The following TAF4B variants were observed in gnomAD, a reference collection of about 807,000 sequenced individuals.
TAF4B encodes the protein transcription initiation factor TFIID subunit 4B.
Under a neutral mutation model 86.4 loss-of-function variants are expected in TAF4B, and 38 were observed. The observed-to-expected ratio is 0.44, with a 90% CI of 0.34 to 0.58. TAF4B has a LOEUF of 0.58. TAF4B is among the 20% of genes least tolerant of loss of function. TAF4B has a pLI of 0.02. For missense variants in TAF4B, 988 were observed against 1,027.6 expected (o/e 0.96, Z 0.53); for synonymous variants, 388 against 391.2 (o/e 0.99, Z 0.10).
chr18:26,240,377 TC>T (rs2055818462), intron 1 of TAF4B, among the ~76,000 whole-genome samples: 2 of 152,342 alleles, frequency 1.3e-5, no homozygotes, highest in South Asian at 4.1e-4. Flanking sequence ...AGGATTTGGC[TC>T]TCTGTTTGTC....
At chr18:26,365,039 C>T (rs1022475586) in intron 14 of TAF4B, among the ~76,000 whole-genome samples, 4 of 135,372 alleles carry the variant, frequency 3.0e-5, no homozygotes, top group South Asian at 4.5e-4. Flanking sequence ...TAGAGTCTCG[C>T]TTTGGCACCC....
chr18:26,341,896 G>GTT (rs142511715), intron 13 of TAF4B, among the ~76,000 whole-genome samples: 5 of 151,348 alleles, frequency 3.3e-5, no homozygotes, highest in Middle Eastern at 3.4e-3. Flanking sequence ...ATGTTTAGTA[G>GTT]TTTTTTTTTC....
intron 13 of TAF4B, among the ~76,000 whole-genome samples, chr18:26,339,654 A>G (rs565204230): frequency 1.1e-3 from 165 of 152,310 alleles, no homozygotes; most frequent in Non-Finnish European, 9.1e-4. Context: ...ATAGGTTACT[A>G]ATTGCTAAAC....
chr18:26,269,908 G>A (rs1025081031), intron 3 of TAF4B, among the ~76,000 whole-genome samples: 1 of 151,884 alleles, frequency 6.6e-6, no homozygotes, highest in African/African-American at 2.4e-5. Context: ...TTTTTCCTTA[G>A]GATAAATTTT....
chr18:26,271,402 G>A (rs1029622479), intron 3 of TAF4B, among the ~76,000 whole-genome samples: 1 of 152,172 alleles, frequency 6.6e-6, no homozygotes, highest in African/African-American at 2.4e-5. Flanking sequence ...GTTTCAGACA[G>A]GTACAGAAAA....
At chr18:26,243,346 A>G (rs1035108064) in intron 1 of TAF4B, among the ~76,000 whole-genome samples, 1 of 152,054 alleles carries the variant, frequency 6.6e-6, no homozygotes, top group African/African-American at 2.4e-5. Context: ...ATCTTCAATC[A>G]CTGATACCCT....
At chr18:26,317,410 A>T (rs1208606785) in intron 10 of TAF4B, among the ~76,000 whole-genome samples, 1 of 152,142 alleles carries the variant, frequency 6.6e-6, no homozygotes, top group Admixed American at 6.6e-5. Context: ...AGCATTTTTG[A>T]TCACTTAGGA....
intron 1 of TAF4B, among the ~76,000 whole-genome samples, chr18:26,229,368 A>G (rs1366388415): frequency 6.6e-6 from 1 of 152,196 alleles, no homozygotes; most frequent in Non-Finnish European, 1.5e-5. Context: ...TACTAACTAC[A>G]TTTGTGCTCT....
At chr18:26,366,351 T>G (rs2057371135) in intron 14 of TAF4B, 2 of 152,220 alleles carry the variant, frequency 1.3e-5, no homozygotes, top group African/African-American at 4.8e-5. Context: ...GCAGGGACCA[T>G]GCTAATCTTT....
chr18:26,331,197 A>G (rs1598805092), intron 12 of TAF4B, among the ~76,000 whole-genome samples: 2 of 151,666 alleles, frequency 1.3e-5, no homozygotes, highest in South Asian at 4.2e-4. Flanking sequence ...GTAAGCACTT[A>G]GTCATTGTAA....
intron 13 of TAF4B, among the ~76,000 whole-genome samples, chr18:26,354,292 C>T (rs985173889): frequency 2.6e-5 from 4 of 152,108 alleles, no homozygotes; most frequent in African/African-American, 4.8e-5. Context: ...CAGGCTGGTG[C>T]GAACTCCTGA....
intron 9 of TAF4B, among the ~76,000 whole-genome samples, chr18:26,306,955 A>G (rs570357438): frequency 6.6e-6 from 1 of 151,172 alleles, no homozygotes; most frequent in African/African-American, 2.4e-5. Flanking sequence ...TTTTTTTTGT[A>G]TTTTTTTAGT....
At chr18:26,326,212 T>G (rs1310543856) in intron 11 of TAF4B, among the ~76,000 whole-genome samples, 1 of 152,142 alleles carries the variant, frequency 6.6e-6, no homozygotes, top group Non-Finnish European at 1.5e-5. Flanking sequence ...TACACACTCA[T>G]AGAGGAGAAA....
chr18:26,229,990 C>G (rs2055641335), intron 1 of TAF4B, among the ~76,000 whole-genome samples: 1 of 151,864 alleles, frequency 6.6e-6, no homozygotes, highest in African/African-American at 2.4e-5. Flanking sequence ...CACACACACA[C>G]ACACATATAC....
intron 14 of TAF4B, among the ~76,000 whole-genome samples, chr18:26,384,719 T>C (rs1978315035): frequency 6.6e-6 from 1 of 152,240 alleles, no homozygotes. Flanking sequence ...GCCTTCCTAC[T>C]GACTAGGGAA....
intron 1 of TAF4B, among the ~76,000 whole-genome samples, chr18:26,257,251 T>A (rs1478703424): frequency 2.0e-5 from 3 of 152,224 alleles, no homozygotes; most frequent in Non-Finnish European, 4.4e-5. Context: ...TATTTTAGGC[T>A]CTGTGTGTGA....
chr18:26,285,069 G>C (rs1228744467), intron 6 of TAF4B, among the ~76,000 whole-genome samples: 2 of 151,682 alleles, frequency 1.3e-5, no homozygotes, highest in Non-Finnish European at 2.9e-5. Flanking sequence ...CTGGGTCCAA[G>C]TGATCCTCCA....
intron 14 of TAF4B, among the ~76,000 whole-genome samples, chr18:26,381,939 A>G (rs1478629070): frequency 6.9e-6 from 1 of 144,018 alleles, no homozygotes; most frequent in Non-Finnish European, 1.5e-5. Flanking sequence ...TCCAATTTCT[A>G]ATGGTTTCTC....
intron 13 of TAF4B, among the ~76,000 whole-genome samples, chr18:26,356,115 A>G (rs1372315810): frequency 6.6e-6 from 1 of 152,216 alleles, no homozygotes; most frequent in African/African-American, 2.4e-5. Flanking sequence ...GAGGCTAGGA[A>G]GTCCAAGATC....
Sources: gnomAD v4.1 joint callset for allele counts (sites outside exome capture counted in the v4.1 genomes callset) on GRCh38, gnomAD v4.1.1 for gene constraint, MANE v1.5 for transcripts, NCBI Gene and HGNC (gene_info 2026-07-23, HGNC 2026-07-21) for gene names.